SMYD3: variants seen among roughly 807,000 people sequenced by gnomAD.
The protein encoded by SMYD3 is histone-lysine N-methyltransferase SMYD3.
In SMYD3, 36 loss-of-function variants were observed where a neutral mutation model predicts 57.7. That is an observed-to-expected ratio of 0.62 (90% CI 0.48 to 0.82). The LOEUF (loss-of-function observed/expected upper bound fraction) is 0.82, where lower values mean the gene tolerates loss of function less well. SMYD3 is among the 40% of genes least tolerant of loss of function. The pLI, the probability that SMYD3 is intolerant of heterozygous loss-of-function variation, is 0.00. For missense variants in SMYD3, 515 were observed against 538.8 expected (o/e 0.96, Z 0.44); for synonymous variants, 211 against 195.0 (o/e 1.08, Z -0.68).
intron 5 of SMYD3, among the ~76,000 whole-genome samples, chr1:245,997,448 A>G (rs889551323): frequency 1.3e-5 from 2 of 152,212 alleles, no homozygotes; most frequent in African/African-American, 2.4e-5. Context: ...CATGCTTCTG[A>G]TAGACATTAT....
intron 5 of SMYD3, among the ~76,000 whole-genome samples, chr1:246,307,268 T>G (rs1385404374): frequency 1.3e-5 from 2 of 152,200 alleles, no homozygotes; most frequent in African/African-American, 4.8e-5. Context: ...CTGAGTCACC[T>G]TAAGTGGCTC....
chr1:246,194,281 T>C (rs1203794071), intron 5 of SMYD3, among the ~76,000 whole-genome samples: 2 of 151,948 alleles, frequency 1.3e-5, no homozygotes, highest in Non-Finnish European at 2.9e-5. Context: ...TGTTTTTTTT[T>C]TTTTGACATG....
intron 10 of SMYD3, among the ~76,000 whole-genome samples, chr1:245,849,646 T>C (rs1416782038): frequency 7.7e-6 from 1 of 130,394 alleles, no homozygotes; most frequent in African/African-American, 2.8e-5. Flanking sequence ...TTATTTATTT[T>C]ATTTTATATT....
chr1:245,808,444 G>T (rs2048298314), intron 10 of SMYD3, among the ~76,000 whole-genome samples: 1 of 152,202 alleles, frequency 6.6e-6, no homozygotes, highest in African/African-American at 2.4e-5. Context: ...ATGGAAATCA[G>T]CAGGTCTGAG....
intron 5 of SMYD3, among the ~76,000 whole-genome samples, chr1:245,950,500 C>T (rs764034724): frequency 9.2e-5 from 14 of 152,208 alleles, no homozygotes; most frequent in Non-Finnish European, 1.9e-4. Flanking sequence ...CTGACCACCC[C>T]CTGTTCTTGG....
chr1:246,128,056 A>AAG (rs1396327291), intron 5 of SMYD3, among the ~76,000 whole-genome samples: 3 of 152,224 alleles, frequency 2.0e-5, no homozygotes, highest in African/African-American at 7.2e-5. Flanking sequence ...AAAATGCAGT[A>AAG]AGGGTAGAAA....
chr1:245,892,141 A>T (rs2053426742), intron 8 of SMYD3, among the ~76,000 whole-genome samples: 1 of 152,220 alleles, frequency 6.6e-6, no homozygotes, highest in African/African-American at 2.4e-5. Flanking sequence ...AAGAAAGCAG[A>T]GACAACTAAA....
At chr1:246,405,446 C>T (rs981350146) in intron 1 of SMYD3, among the ~76,000 whole-genome samples, 3 of 152,028 alleles carry the variant, frequency 2.0e-5, no homozygotes, top group South Asian at 2.1e-4. Context: ...AAACCAAAAC[C>T]GCCACCAGCA....
At chr1:245,946,449 C>T (rs181585699) in intron 5 of SMYD3, among the ~76,000 whole-genome samples, 7 of 152,278 alleles carry the variant, frequency 4.6e-5, no homozygotes, top group Admixed American at 2.6e-4. Flanking sequence ...ACGCCACTCA[C>T]GCCTCAAAGC....
At chr1:246,066,653 C>A (rs1259489732) in intron 5 of SMYD3, among the ~76,000 whole-genome samples, 1 of 152,132 alleles carries the variant, frequency 6.6e-6, no homozygotes, top group Non-Finnish European at 1.5e-5. Context: ...CCTGATAGAT[C>A]AATGTTTTAA....
At chr1:246,286,265 T>C (rs2148583789) in intron 5 of SMYD3, among the ~76,000 whole-genome samples, 1 of 152,362 alleles carries the variant, frequency 6.6e-6, no homozygotes, top group Admixed American at 6.5e-5. Flanking sequence ...AGCACTTTTG[T>C]TTAAATTTTT....
In SMYD3 at chr1:246,202,797, T is replaced by C. The variant is rs12754889; in HGVS notation, c.531+124404A>G. On this transcript the variant is annotated intron_variant, in intron 5 of 11. Transcript: ENST00000490107. The surrounding 1 kb of genome is among the most constrained non-coding windows in gnomAD (Gnocchi z 4.1). ...AATATGGTGATACCACAGTAACAAA[T>C]CCAACCCAATCACTCCTCCACCTCT... Among the ~76,000 whole-genome samples the C allele has an allele frequency of 6.6e-6, 1 of 152,066 alleles. No homozygotes were observed. The highest frequency in any genetic ancestry group is 2.4e-5 in the African/African-American group (1 of 41,390).
At chr1:246,459,280 T>C (rs1302875713) in intron 1 of SMYD3, among the ~76,000 whole-genome samples, 1 of 149,434 alleles carries the variant, frequency 6.7e-6, no homozygotes, top group Non-Finnish European at 1.5e-5. Flanking sequence ...CCTCAAGAGA[T>C]CTTGTTATTT....
At chr1:246,249,516 T>G (rs2063765650) in intron 5 of SMYD3, among the ~76,000 whole-genome samples, 1 of 137,176 alleles carries the variant, frequency 7.3e-6, no homozygotes, top group South Asian at 3.1e-4. Flanking sequence ...GATCCTAGTT[T>G]TTTGTTTTTT....
chr1:246,192,096 G>C (rs938200666), intron 5 of SMYD3, among the ~76,000 whole-genome samples: 1 of 152,022 alleles, frequency 6.6e-6, no homozygotes, highest in Non-Finnish European at 1.5e-5. Flanking sequence ...GGCTTTTGTT[G>C]TTGTTTTTGT....
intron 10 of SMYD3, among the ~76,000 whole-genome samples, chr1:245,845,790 T>G (rs1444179202): frequency 6.6e-6 from 1 of 152,242 alleles, no homozygotes; most frequent in Non-Finnish European, 1.5e-5. Flanking sequence ...CTTTACCATC[T>G]TTGAGTCGTT....
chr1:245,841,032 T>G (rs769565315), intron 10 of SMYD3, among the ~76,000 whole-genome samples: 1 of 152,238 alleles, frequency 6.6e-6, no homozygotes, highest in Non-Finnish European at 1.5e-5. Flanking sequence ...ATACTGTCAT[T>G]CTTGATGTCC....
At chr1:245,982,632 T>G (rs1285842618) in intron 5 of SMYD3, among the ~76,000 whole-genome samples, 3 of 152,232 alleles carry the variant, frequency 2.0e-5, no homozygotes, top group African/African-American at 7.2e-5. Flanking sequence ...CTAAACCCAC[T>G]TAATTTGTAT....
intron 10 of SMYD3, among the ~76,000 whole-genome samples, chr1:245,769,739 A>G (rs928125237): frequency 6.6e-6 from 1 of 152,230 alleles, no homozygotes; most frequent in African/African-American, 2.4e-5. Flanking sequence ...GTACGTATGA[A>G]TTAAATGACC....
Sources: allele counts gnomAD v4.1 joint callset (sites outside exome capture counted in the v4.1 genomes callset), GRCh38; gene constraint gnomAD v4.1.1; non-coding constraint Gnocchi (gnomAD v3.1); transcripts MANE v1.5; gene names NCBI Gene and HGNC (gene_info 2026-07-23, HGNC 2026-07-21).